Variants in PLAC1 observed in about 807,000 individuals in gnomAD.
PLAC1 encodes placenta associated 1, also known as placenta-specific protein 1.
For missense variants in PLAC1, 136 were observed against 163.2 expected (o/e 0.83, Z 0.91); for synonymous variants, 68 against 62.1 (o/e 1.09, Z -0.44).
At chrX:134,644,735 T>C (rs2078324360) in intron 1 of PLAC1, among the ~76,000 whole-genome samples, 1 of 111,345 alleles carries the variant, frequency 9.0e-6, no homozygotes, top group African/African-American at 3.3e-5. Flanking sequence ...TTTGGAAGAC[T>C]CTTGGACTCT....
intron 1 of PLAC1, among the ~76,000 whole-genome samples, chrX:134,643,289 C>T (rs1375154898): frequency 2.7e-5 from 3 of 111,471 alleles, no homozygotes; most frequent in Admixed American, 9.6e-5. Context: ...GTGTACACCT[C>T]AGCCCCCTTA....
At chrX:134,706,185 C>A (rs1170955886) in intron 2 of PLAC1, among the ~76,000 whole-genome samples, 1 of 112,742 alleles carries the variant, frequency 8.9e-6, no homozygotes, top group Non-Finnish European at 1.9e-5. Flanking sequence ...CTACTCCCGG[C>A]AAATATCTAC....
At chrX:134,604,278 A>G (rs956496336) in intron 1 of PLAC1, among the ~76,000 whole-genome samples, 10 of 112,814 alleles carry the variant, frequency 8.9e-5, no homozygotes, top group African/African-American at 3.2e-4. Context: ...TCCAAAGTTG[A>G]TCAAGGCTAT....
At chrX:134,571,896 G>T (rs913129377) in intron 2 of PLAC1, among the ~76,000 whole-genome samples, 1 of 111,604 alleles carries the variant, frequency 9.0e-6, no homozygotes, top group Non-Finnish European at 1.9e-5. Context: ...CACTCCATAG[G>T]CTCCTGGAAG....
At chrX:134,628,404 T>G (rs2078245849) in intron 1 of PLAC1, among the ~76,000 whole-genome samples, 1 of 112,198 alleles carries the variant, frequency 8.9e-6, no homozygotes, top group African/African-American at 3.2e-5. Flanking sequence ...CTATATACTT[T>G]GATTATATGA....
intron 1 of PLAC1, among the ~76,000 whole-genome samples, chrX:134,629,559 C>T (rs1215053240): frequency 9.0e-6 from 1 of 111,456 alleles, no homozygotes; most frequent in Non-Finnish European, 1.9e-5. Flanking sequence ...AAACATATAT[C>T]CTGAAGTCTT....
intron 1 of PLAC1, among the ~76,000 whole-genome samples, chrX:134,757,077 C>T (rs1277970893): frequency 3.6e-5 from 4 of 112,200 alleles, no homozygotes; most frequent in Non-Finnish European, 5.6e-5. Flanking sequence ...ATTGGGAAAA[C>T]GTACCTTTGC....
chrX:134,590,618 A>C (rs1300621665), intron 2 of PLAC1, among the ~76,000 whole-genome samples: 1 of 111,086 alleles, frequency 9.0e-6, no homozygotes, highest in Non-Finnish European at 1.9e-5. Flanking sequence ...TGAAGAAGAG[A>C]CTTTTTTGTT....
At chrX:134,695,389 G>C (rs1296822610) in intron 2 of PLAC1, among the ~76,000 whole-genome samples, 1 of 112,212 alleles carries the variant, frequency 8.9e-6, no homozygotes, top group African/African-American at 3.2e-5. Context: ...AAAATAACCA[G>C]AAAGCTCTCT....
At chrX:134,612,873 C>T (rs780401289) in intron 1 of PLAC1, among the ~76,000 whole-genome samples, 42 of 111,070 alleles carry the variant, frequency 3.8e-4, no homozygotes, top group African/African-American at 1.4e-3. Context: ...GCATGGACCC[C>T]CAGGGGGTCC....
At chrX:134,745,470 A>G (rs2078727069) in intron 1 of PLAC1, among the ~76,000 whole-genome samples, 1 of 112,012 alleles carries the variant, frequency 8.9e-6, no homozygotes, top group Admixed American at 9.5e-5. Context: ...TGTAAGAGGT[A>G]AAATGGATGG....
intron 1 of PLAC1, among the ~76,000 whole-genome samples, chrX:134,649,986 A>G (rs2078354525): frequency 9.0e-6 from 1 of 111,530 alleles, no homozygotes; most frequent in Non-Finnish European, 1.9e-5. Flanking sequence ...TTCCTTGTAG[A>G]CCCTCATGCC....
chrX:134,693,933 T>C (rs780217254), intron 2 of PLAC1, among the ~76,000 whole-genome samples: 8 of 110,984 alleles, frequency 7.2e-5, no homozygotes, highest in African/African-American at 2.6e-4. Context: ...GGTTCTCAAT[T>C]AAAGAAAAAG....
chrX:134,705,021 TACACACACACACACTA>T (rs2078599053), intron 2 of PLAC1, among the ~76,000 whole-genome samples: 2 of 98,303 alleles, frequency 2.0e-5, no homozygotes, highest in African/African-American at 7.9e-5. Flanking sequence ...TATATATATA[TACACACACACACACTA>T]ATATATAAAA....
intron 2 of PLAC1, among the ~76,000 whole-genome samples, chrX:134,708,226 A>G (rs983360234): frequency 5.4e-5 from 6 of 111,854 alleles, no homozygotes; most frequent in African/African-American, 1.6e-4. Context: ...ATTCTTCAAA[A>G]TGAAGGGGAA....
At position 134,668,527 on chromosome X, in the gene PLAC1, C is replaced by T. The variant is rs919207694; in HGVS notation, n.174+64908G>A. On this transcript the variant is annotated intron_variant and non_coding_transcript_variant, in intron 2 of 2. Coordinates refer to the PLAC1 transcript ENST00000466797. ...CTCTGTCTAGAGTTGGATGCTCAGA[C>T]TTATAATTCAGTATTCTGGATCCTG... 2.7e-5 allele frequency among the ~76,000 whole-genome samples: 3 copies of T among 112,773 alleles called. No homozygotes were observed. The Admixed American group carries it at 2.8e-4, about 11-fold the overall frequency.
chrX:134,645,653 G>T (rs1341847701), intron 1 of PLAC1, among the ~76,000 whole-genome samples: 1 of 112,002 alleles, frequency 8.9e-6, no homozygotes, highest in East Asian at 2.8e-4. Flanking sequence ...CTTCCTCCCT[G>T]CAAGAGCTGG....
chrX:134,690,233 T>C (rs149861412), intron 2 of PLAC1, among the ~76,000 whole-genome samples: 44 of 112,544 alleles, frequency 3.9e-4, no homozygotes, highest in East Asian at 1.4e-3. Flanking sequence ...TGGGAAATCA[T>C]AGTTTTGTGG....
At chrX:134,681,152 G>A (rs979786120) in intron 2 of PLAC1, among the ~76,000 whole-genome samples, 1 of 111,322 alleles carries the variant, frequency 9.0e-6, no homozygotes, top group African/African-American at 3.3e-5. Flanking sequence ...GTTTTCACAG[G>A]GCCCCTGGGA....
Sources: gnomAD v4.1 joint callset for allele counts (sites outside exome capture counted in the v4.1 genomes callset) on GRCh38, gnomAD v4.1.1 for gene constraint, MANE v1.5 for transcripts, NCBI Gene and HGNC (gene_info 2026-07-23, HGNC 2026-07-21) for gene names.